CTTNBP2: variants seen among roughly 807,000 people sequenced by gnomAD.
CTTNBP2 encodes the protein cortactin binding protein 2, also known as cortactin-binding protein 2.
Under a neutral mutation model 156.9 loss-of-function variants are expected in CTTNBP2, and 108 were observed. The ratio of observed to expected loss-of-function variants is 0.69; its 90% confidence interval spans 0.59 to 0.81. CTTNBP2 has a LOEUF of 0.81. Among genes scored for constraint, CTTNBP2 ranks in the 30% least tolerant of loss-of-function variants. The pLI, the probability that CTTNBP2 is intolerant of heterozygous loss-of-function variation, is 0.00. For synonymous variants in CTTNBP2, 767 were observed against 751.8 expected (o/e 1.02, Z -0.33); for missense variants, 1,924 against 2,035.4 (o/e 0.95, Z 1.05).
At position 117,777,505 on chromosome 7, in the gene CTTNBP2, A is replaced by G. The variant is rs75322384; in HGVS notation, c.2778+6T>C. On this transcript the variant is annotated splice_donor_region_variant and intron_variant, in intron 8 of 22. Coordinates refer to ENST00000160373, the MANE Select transcript of CTTNBP2 (RefSeq NM_033427.3). ...GCATGATGAGGCCAGCTGCTACCAG[A>G]CACACCTTAAAACCTTTGGAAGCAG... 5,322 of 1,611,098 alleles carry G rather than the reference A, an allele frequency of 3.3e-3. 10 individuals carry two copies. Among genetic ancestry groups the G allele is most frequent in the Middle Eastern group, 7.7e-3 (39 of 5,052 alleles).
chr7:117,836,922 C>T (rs1192438602), intron 2 of CTTNBP2, among the ~76,000 whole-genome samples: 2 of 152,140 alleles, frequency 1.3e-5, no homozygotes, highest in Non-Finnish European at 2.9e-5. Flanking sequence ...GGGTCTGTCC[C>T]ACAACACGTG....
intron 2 of CTTNBP2, among the ~76,000 whole-genome samples, chr7:117,830,719 G>C (rs1181424274): frequency 1.3e-5 from 2 of 152,148 alleles, no homozygotes; most frequent in African/African-American, 4.8e-5. Flanking sequence ...TATTAGGAAC[G>C]CCTCCCTCTC....
At position 117,734,999 on chromosome 7, in the gene CTTNBP2, G is replaced by A. The variant is rs769531182; in HGVS notation, c.3790C>T (p.His1264Tyr). 1 of 1,614,162 alleles carries A rather than the reference G, an allele frequency of 6.2e-7. No individual in the cohort carries two copies. The highest frequency in any genetic ancestry group is 8.5e-7 in the Non-Finnish European group (1 of 1,179,980). ...CACCGCAGCTGCACCCAGCGGAAAT[G>A]CTGCTGCACCAGCAAGTCGGAGCCC... is the stretch of plus-strand genomic sequence containing the variant. ...LQGSDLLVQQ[H>Y]FRWVQLRWDG... The change falls in exon 16 of 23, where the codon CAT (histidine) becomes TAT (tyrosine). Residue 1264 changes from histidine (H) to tyrosine (Y), a missense_variant. His to Tyr is a moderately conservative substitution (Grantham distance 83, BLOSUM62 2). Transcript: ENST00000160373.
chr7:117,741,550 C>G (rs1369211400), intron 14 of CTTNBP2, among the ~76,000 whole-genome samples: 3 of 152,172 alleles, frequency 2.0e-5, no homozygotes, highest in African/African-American at 7.2e-5. Context: ...GAATATTTGA[C>G]CCAATTATAG....
chr7:117,803,294 G>GA (rs1447817139), intron 3 of CTTNBP2, among the ~76,000 whole-genome samples: 1 of 152,154 alleles, frequency 6.6e-6, no homozygotes, highest in Non-Finnish European at 1.5e-5. Flanking sequence ...TGCAAGAACA[G>GA]AAAACCAAAT....
intron 2 of CTTNBP2, among the ~76,000 whole-genome samples, chr7:117,835,578 G>A (rs1228217763): frequency 1.3e-5 from 2 of 152,026 alleles, no homozygotes; most frequent in African/African-American, 2.4e-5. Flanking sequence ...AAATGTTATC[G>A]ACCATGTGGC....
chr7:117,871,954 C>T (rs954506148), intron 1 of CTTNBP2: 11 of 985,156 alleles, frequency 1.1e-5, no homozygotes, highest in African/African-American at 1.8e-5. Flanking sequence ...TGCCAGAGAG[C>T]CTTGTCTCAA....
intron 2 of CTTNBP2, among the ~76,000 whole-genome samples, chr7:117,830,908 C>T (rs1362954819): frequency 6.6e-6 from 1 of 151,980 alleles, no homozygotes; most frequent in Non-Finnish European, 1.5e-5. Context: ...GCCTAGACTA[C>T]CAAATAGTCA....
chr7:117,817,227 G>A (rs950820634), intron 2 of CTTNBP2, among the ~76,000 whole-genome samples: 4 of 149,806 alleles, frequency 2.7e-5, no homozygotes, highest in Admixed American at 6.7e-5. Context: ...CCAGCTACTC[G>A]AGAGGCTGAG....
chr7:117,836,087 A>G (rs938326659), intron 2 of CTTNBP2, among the ~76,000 whole-genome samples: 1 of 152,116 alleles, frequency 6.6e-6, no homozygotes, highest in Non-Finnish European at 1.5e-5. Context: ...ATGAACTACC[A>G]CCCAGACTAA....
chr7:117,734,631 T>C (rs1264187934), intron 16 of CTTNBP2, among the ~76,000 whole-genome samples: 1 of 152,040 alleles, frequency 6.6e-6, no homozygotes, highest in East Asian at 1.9e-4. Context: ...TTAAGAAGAG[T>C]GATTAATTTT....
At position 117,756,454 on chromosome 7, in the gene CTTNBP2, G is replaced by T. The variant is rs558655875; in HGVS notation, c.3348+101C>A. The T allele has an allele frequency of 5.8e-4, 497 of 855,466 alleles. 1 individual carries two copies. Among genetic ancestry groups the T allele is most frequent in the Non-Finnish European group, 7.6e-4 (380 of 499,166 alleles). The allele number at this position is 855,466 out of a possible 1,614,324, so 53.0% of individuals were successfully genotyped here. A position where few individuals can be genotyped will look rare whatever the true frequency, so the allele number is the denominator to read the frequency against. ...AGGTAACGGTGTCAGAGCACAGGGT[G>T]GGGGGGCTTGCACTCCTCCTTTAAA... On this transcript the variant is annotated intron_variant, in intron 12 of 22. Transcript: ENST00000160373.
chr7:117,840,672 T>C (rs1234090245), intron 2 of CTTNBP2, among the ~76,000 whole-genome samples: 1 of 152,244 alleles, frequency 6.6e-6, no homozygotes, highest in East Asian at 1.9e-4. Context: ...CATATAACTA[T>C]TATCTCTTCA....
intron 7 of CTTNBP2, 104 bp from the exon 8 acceptor site, chr7:117,777,869 A>G: frequency 1.8e-6 from 2 of 1,121,274 alleles, no homozygotes; most frequent in Non-Finnish European, 2.6e-6. Flanking sequence ...TGGACCACTG[A>G]GCTGGGAAAA....
intron 22 of CTTNBP2, among the ~76,000 whole-genome samples, chr7:117,715,320 GGAAA>G (rs1025487910): frequency 2.0e-5 from 3 of 151,970 alleles, no homozygotes; most frequent in Non-Finnish European, 4.4e-5. Context: ...AGATATATTT[GGAAA>G]GAAAGAAATG....
At chr7:117,767,450 T>G (rs1297587306) in intron 8 of CTTNBP2, among the ~76,000 whole-genome samples, 1 of 152,232 alleles carries the variant, frequency 6.6e-6, no homozygotes, top group Non-Finnish European at 1.5e-5. Context: ...AAATAGCTTG[T>G]TAATCACTCA....
intron 12 of CTTNBP2, among the ~76,000 whole-genome samples, 187 bp from the exon 13 acceptor site, chr7:117,746,286 G>T (rs1052254522): frequency 6.6e-6 from 1 of 152,140 alleles, no homozygotes; most frequent in South Asian, 2.1e-4. Context: ...ATGGGCAAAG[G>T]GTACTTAGCA....
At chr7:117,847,488 T>C (rs999754072) in intron 2 of CTTNBP2, among the ~76,000 whole-genome samples, 3 of 152,106 alleles carry the variant, frequency 2.0e-5, no homozygotes, top group Admixed American at 6.5e-5. Flanking sequence ...TGAGCTAAGA[T>C]CATGCCACTG....
At chr7:117,765,354 A>G (rs1797430543) in intron 9 of CTTNBP2, among the ~76,000 whole-genome samples, 1 of 152,244 alleles carries the variant, frequency 6.6e-6, no homozygotes, top group South Asian at 2.1e-4. Flanking sequence ...CAGAATTGGA[A>G]TCTTAGAAAG....
Sources: allele counts gnomAD v4.1 joint callset (sites outside exome capture counted in the v4.1 genomes callset), GRCh38; gene constraint gnomAD v4.1.1; transcripts MANE v1.5; gene names NCBI Gene and HGNC (gene_info 2026-07-23, HGNC 2026-07-21).